Variants in PRPF31 observed in about 807,000 individuals in gnomAD.
PRPF31 encodes pre-mRNA processing factor 31.
PRPF31 carries 12 observed loss-of-function variants against 60.4 expected under a neutral mutation model. The observed-to-expected ratio is 0.20, with a 90% confidence interval of 0.13 to 0.32. PRPF31 has a LOEUF of 0.32. PRPF31 is among the 10% of genes least tolerant of loss of function. The probability of loss-of-function intolerance (pLI) is 1.00; values close to 1 mark genes in which losing one functional copy is unlikely to be tolerated. For missense variants in PRPF31, 431 were observed against 687.1 expected (o/e 0.63, Z 4.17); for synonymous variants, 287 against 287.9 (o/e 1.00, Z 0.03).
intron 8 of PRPF31, chr19:54,124,956 T>C (rs2146427687): frequency 1.8e-6 from 1 of 547,880 alleles, no homozygotes; most frequent in East Asian, 3.2e-5. Context: ...ATGAAGCACT[T>C]ACAGTTCAGG....
chr19:54,124,265 T>C (rs2073865152), intron 7 of PRPF31: 1 of 628,206 alleles, frequency 1.6e-6, no homozygotes, highest in Non-Finnish European at 2.8e-6. Context: ...CAGCTTCCTG[T>C]TGGGGGCCTC....
rs928502914 is a variant in PRPF31, at chr19:54,118,827, C to G, written c.238+194C>G. On this transcript the variant is annotated intron_variant, in intron 3 of 13. Transcript: ENST00000321030. ...ATTGTAAAGCTCATGCTTCTTAAGTCCTTCCTGTGTGCTGAGCTTACTGAT... is the reference window on the plus strand; with the variant it reads ...ATTGTAAAGCTCATGCTTCTTAAGTGCTTCCTGTGTGCTGAGCTTACTGAT... The G allele has an allele frequency of 4.8e-5, 30 of 619,308 alleles. 1 individual carries two copies. In the Admixed American group the frequency reaches 8.2e-4, roughly 17 times the overall value. The allele number at this position is 619,308 out of a possible 1,614,324, so 38.4% of individuals were successfully genotyped here.
chr19:54,126,302 C>T (rs759787052), intron 8 of PRPF31, among the ~76,000 whole-genome samples: 22 of 152,202 alleles, frequency 1.4e-4, no homozygotes, highest in Non-Finnish European at 2.8e-4. Context: ...TTACTGTCAT[C>T]CTTACCTGAT....
rs1203731595 is a variant in PRPF31, at chr19:54,128,186, G to A, written c.1059G>A (p.Lys353=). 6.4e-7 allele frequency: 1 copy of A among 1,570,380 alleles called. No individual in the cohort carries two copies. The highest frequency in any genetic ancestry group is 8.6e-7 in the Non-Finnish European group (1 of 1,159,916). The change falls in exon 10 of 14, where the codon AAG becomes AAA. Residue 353 remains lysine (K), a synonymous_variant. Transcript: ENST00000321030. ...CGCCCCTGGATGGACAGCGGAAGAA[G>A]CGAGGCGGCCGCAGGTGAGGGGCCC... ...LPAPLDGQRK[K]RGGRRYRKMK...
chr19:54,123,087 C>T (rs2073833074), intron 5 of PRPF31: 8 of 477,066 alleles, frequency 1.7e-5, no homozygotes, highest in Non-Finnish European at 2.3e-5. Context: ...GGAGGAGGTC[C>T]CCACGCATGT....
At chr19:54,131,210 C>T in intron 13 of PRPF31, 97 bp from the exon 14 acceptor site, 1 of 1,524,078 alleles carries the variant, frequency 6.6e-7, no homozygotes, top group Non-Finnish European at 9.1e-7. Context: ...CCACCAAGGC[C>T]TGAGTGCCAT....
chr19:54,129,094 G>A lies in PRPF31; in HGVS notation c.1184G>A (p.Ser395Asn). The A allele has an allele frequency of 6.3e-7, 1 of 1,580,160 alleles. No homozygotes were observed. Among genetic ancestry groups the A allele is most frequent in the Non-Finnish European group, 8.6e-7 (1 of 1,164,072 alleles). ...GCCTACCAGGAGGACCTGGGATTCA[G>A]CCTGGGCCACCTGGGCAAGTCGGGC... ...EDAYQEDLGFSLGHLGKSGSG... is the reference protein window; with the variant it reads ...EDAYQEDLGFNLGHLGKSGSG... Residue 395 changes from serine (S) to asparagine (N), a missense_variant, in exon 12 of 14, where the codon AGC becomes AAC. By Grantham distance (46) the Ser-to-Asn change is conservative. Coordinates refer to ENST00000321030, the MANE Select transcript of PRPF31 (RefSeq NM_015629.4).
At chr19:54,123,640 GCACACACACATACACACATGCACA>G (rs1460161113) in intron 6 of PRPF31, 80 bp downstream of exon 6, 17 of 1,598,714 alleles carry the variant, frequency 1.1e-5, no homozygotes, top group Non-Finnish European at 1.5e-5. Context: ...GTGTACACAC[GCACACACACATACACACATGCACA>G]CACACACACA....
At chr19:54,124,725 A>C (rs1487604785) in intron 8 of PRPF31, 69 bp downstream of exon 8, 2 of 1,545,058 alleles carry the variant, frequency 1.3e-6, no homozygotes, top group African/African-American at 2.7e-5. Flanking sequence ...AGACAGCCTG[A>C]GCAGCCACCC....
Position 54,124,000 on chromosome 19 carries a change from T to C in PRPF31, c.697+82T>C, listed in dbSNP as rs78574489. On this transcript the variant is annotated intron_variant, in intron 7 of 13. Coordinates refer to ENST00000321030, the MANE Select transcript of PRPF31 (RefSeq NM_015629.4). ...GAAAGCTACATCCTTTTCTGTAGAA[T>C]GGGGGCTTTGGCACCTGGACCTCAG... 2.0e-3 allele frequency: 3,175 copies of C among 1,590,278 alleles called. 61 individuals are homozygous for C. In the African/African-American group the frequency reaches 0.035, roughly 18 times the overall value.
In PRPF31 at chr19:54,115,807, A is replaced by G. The variant is rs2073614257; in HGVS notation, c.-9+10A>G. 4.3e-6 allele frequency: 1 copy of G among 230,074 alleles called. No individual in the cohort carries two copies. The allele number at this position is 230,074 out of a possible 1,614,324, so 14.3% of individuals were successfully genotyped here. ...TGCGCGGAGAGGAGAGGTGAGTGTG[A>G]TGGGGACCACGGGGAGCGGGAGGCT... On this transcript the variant is annotated intron_variant, in intron 1 of 13. Transcript: ENST00000321030.
intron 3 of PRPF31, among the ~76,000 whole-genome samples, chr19:54,121,630 C>T (rs769142296): frequency 3.9e-5 from 6 of 152,226 alleles, no homozygotes; most frequent in South Asian, 2.1e-4. Flanking sequence ...AGGTTTCACA[C>T]GGTCAGTTCT....
At chr19:54,128,461 G>A (rs892937376) in intron 11 of PRPF31, 84 bp downstream of exon 11, 105 of 1,369,702 alleles carry the variant, frequency 7.7e-5, no homozygotes, top group Non-Finnish European at 1.0e-4. Context: ...CCCTCCTCTC[G>A]TCCTGTGGCC....
chr19:54,118,549 T>C (rs1266631050), intron 2 of PRPF31, 24 bp from the exon 3 acceptor site: 10 of 1,614,072 alleles, frequency 6.2e-6, no homozygotes, highest in Non-Finnish European at 8.5e-6. Flanking sequence ...TGCTGGATTC[T>C]GACTGTCTTC....
intron 8 of PRPF31, 53 bp downstream of exon 8, chr19:54,124,709 G>A (rs1288702255): frequency 1.7e-5 from 27 of 1,587,150 alleles, no homozygotes; most frequent in Admixed American, 6.7e-5. Context: ...GCCTTCCGCT[G>A]TGCCCAGACA....
Position 54,121,774 on chromosome 19 carries a change from A to G in PRPF31, c.239-86A>G, listed in dbSNP as rs587683363. The stretch of plus-strand genomic sequence containing the variant: ...AGCCCCTCCTTCCTGACCCCTCCCA[A>G]CTTCATCCTCCGCCTCCTCCAGCTG... On this transcript the variant is annotated intron_variant, in intron 3 of 13. Transcript: ENST00000321030. 9 of 1,348,730 alleles carry G rather than the reference A, an allele frequency of 6.7e-6. No homozygotes were observed. The South Asian group carries it at 7.5e-5, about 11-fold the overall frequency. 83.5% of individuals were successfully genotyped at this position (1,348,730 alleles called of 1,614,324 possible). A position where few individuals can be genotyped will look rare whatever the true frequency, so the allele number is the denominator to read the frequency against.
At chr19:54,116,486 A>G (rs2073643341) in intron 1 of PRPF31, among the ~76,000 whole-genome samples, 2 of 152,156 alleles carry the variant, frequency 1.3e-5, no homozygotes, top group African/African-American at 4.8e-5. Flanking sequence ...GATTACAGGC[A>G]TGAGCCACCG....
At chr19:54,121,284 C>T (rs1255546813) in intron 3 of PRPF31, among the ~76,000 whole-genome samples, 1 of 140,138 alleles carries the variant, frequency 7.1e-6, no homozygotes, top group African/African-American at 2.7e-5. Context: ...GCCTGGGCAA[C>T]CAGAGCGAAA....
chr19:54,123,724 A>C, intron 6 of PRPF31, 25 bp from the exon 7 acceptor site: 1 of 1,600,004 alleles, frequency 6.2e-7, no homozygotes, highest in Non-Finnish European at 8.5e-7. Context: ...GAGACCCAGG[A>C]GGCTGGGCCC....
Sources: allele counts gnomAD v4.1 joint callset (sites outside exome capture counted in the v4.1 genomes callset), GRCh38; gene constraint gnomAD v4.1.1; transcripts MANE v1.5; gene names NCBI Gene and HGNC (gene_info 2026-07-23, HGNC 2026-07-21).